GRIA4: variants seen among roughly 807,000 people sequenced by gnomAD.
The protein encoded by GRIA4 is glutamate ionotropic receptor AMPA type subunit 4.
A neutral mutation model predicts 104.0 loss-of-function variants in GRIA4; 34 were observed. That is an observed-to-expected ratio of 0.33 (90% CI 0.25 to 0.44). GRIA4 has a LOEUF of 0.44. Ranked by LOEUF, GRIA4 falls within the 20% of genes least tolerant of loss-of-function variation. The pLI is 1.00. For missense variants in GRIA4, 750 were observed against 1,096.5 expected (o/e 0.68, Z 4.46); for synonymous variants, 386 against 381.9 (o/e 1.01, Z -0.13).
chr11:105,743,471 T>C (rs908310498), intron 3 of GRIA4, among the ~76,000 whole-genome samples: 1 of 152,234 alleles, frequency 6.6e-6, no homozygotes, highest in Non-Finnish European at 1.5e-5. Flanking sequence ...ATATCTGCTA[T>C]TATTTTTGAA....
intron 3 of GRIA4, among the ~76,000 whole-genome samples, chr11:105,643,015 G>C (rs1951416002): frequency 6.6e-6 from 1 of 152,126 alleles, no homozygotes; most frequent in Non-Finnish European, 1.5e-5. Context: ...GAAGTGCTGA[G>C]CAATAGGGGG....
In GRIA4 at chr11:105,911,775, A is replaced by AATACATATATATATATATAT. The variant is rs376124658; in HGVS notation, c.1269+1233_1269+1234insCATATATATATATATATATA. The AATACATATATATATATATAT allele has an allele frequency of 1.1e-3, 79 of 74,656 alleles. 4 individuals carry two copies. The highest frequency in any genetic ancestry group is 2.6e-3 in the Admixed American group (11 of 4,306). The allele number at this position is 74,656 out of a possible 1,614,324, so 4.6% of individuals were successfully genotyped here. Reference sequence around the variant, plus strand: ...AATATTTGCATGGGACTTGAAAAGCAATATATATATATATATATATATATA... The same window carrying AATACATATATATATATATAT: ...AATATTTGCATGGGACTTGAAAAGCAATACATATATATATATATATATATATATATATATATATATATATA... On this transcript the variant is annotated intron_variant, in intron 10 of 16. Coordinates refer to ENST00000282499, the MANE Select transcript of GRIA4 (RefSeq NM_000829.4).
At chr11:105,688,341 G>A (rs1246144284) in intron 3 of GRIA4, among the ~76,000 whole-genome samples, 3 of 152,018 alleles carry the variant, frequency 2.0e-5, no homozygotes, top group Admixed American at 6.6e-5. Context: ...GGTGGATCAC[G>A]AGGTCAGGAC....
At chr11:105,640,166 G>C (rs1325200156) in intron 3 of GRIA4, among the ~76,000 whole-genome samples, 1 of 151,792 alleles carries the variant, frequency 6.6e-6, no homozygotes, top group Non-Finnish European at 1.5e-5. Flanking sequence ...CTAACATTCA[G>C]AAAAGGAAAA....
intron 4 of GRIA4, among the ~76,000 whole-genome samples, chr11:105,787,472 C>CATT (rs1942020577): frequency 1.0e-5 from 1 of 98,622 alleles, no homozygotes; most frequent in Non-Finnish European, 1.9e-5. Context: ...TAAAGAATTC[C>CATT]TTTTTTTTTT....
intron 3 of GRIA4, among the ~76,000 whole-genome samples, chr11:105,674,484 A>C (rs1935939552): frequency 6.6e-6 from 1 of 151,836 alleles, no homozygotes; most frequent in African/African-American, 2.4e-5. Flanking sequence ...CAGACGGCCT[A>C]TGAATATAGT....
chr11:105,794,473 GTATA>G (rs71041629), intron 4 of GRIA4, among the ~76,000 whole-genome samples: 1,266 of 43,868 alleles, frequency 0.029, 37 homozygotes, highest in East Asian at 0.052. Flanking sequence ...GTATATGTAT[GTATA>G]TATATATATA....
At chr11:105,957,065 T>G (rs1948608475) in intron 14 of GRIA4, among the ~76,000 whole-genome samples, 1 of 152,214 alleles carries the variant, frequency 6.6e-6, no homozygotes, top group Admixed American at 6.5e-5. Context: ...AGGTTGCCTG[T>G]TCACTCTGAT....
chr11:105,902,029 T>C (rs932492028), intron 7 of GRIA4, among the ~76,000 whole-genome samples: 1 of 152,202 alleles, frequency 6.6e-6, no homozygotes, highest in Non-Finnish European at 1.5e-5. Context: ...CATTCAGTTT[T>C]GGTGTAGTAC....
chr11:105,695,089 T>C (rs1253500816), intron 3 of GRIA4, among the ~76,000 whole-genome samples: 1 of 152,218 alleles, frequency 6.6e-6, no homozygotes, highest in Non-Finnish European at 1.5e-5. Flanking sequence ...CCTATTCTGC[T>C]ATGCAGACCC....
At chr11:105,671,479 C>G (rs1473430215) in intron 3 of GRIA4, among the ~76,000 whole-genome samples, 1 of 151,616 alleles carries the variant, frequency 6.6e-6, no homozygotes, top group Non-Finnish European at 1.5e-5. Flanking sequence ...GAGTTCGAGA[C>G]TAGCCTGGCC....
intron 3 of GRIA4, among the ~76,000 whole-genome samples, chr11:105,744,602 T>C (rs1939529832): frequency 6.6e-6 from 1 of 151,972 alleles, no homozygotes; most frequent in African/African-American, 2.4e-5. Context: ...GGGGAAAAAA[T>C]GTAGCTGTCA....
intron 4 of GRIA4, chr11:105,797,622 G>A: frequency 4.0e-6 from 1 of 248,080 alleles, no homozygotes; most frequent in Non-Finnish European, 8.3e-6. Flanking sequence ...CTGATTCTTT[G>A]TTCTCATAAT....
chr11:105,803,063 T>C (rs1942790473), intron 4 of GRIA4, among the ~76,000 whole-genome samples: 1 of 152,018 alleles, frequency 6.6e-6, no homozygotes, highest in Admixed American at 6.6e-5. Context: ...ATCTACCAGG[T>C]CACAGGAAAT....
chr11:105,657,355 C>T (rs776305022), intron 3 of GRIA4, among the ~76,000 whole-genome samples: 1 of 151,828 alleles, frequency 6.6e-6, no homozygotes, highest in East Asian at 1.9e-4. Context: ...ACCACCTGTT[C>T]CCCAAAAACC....
chr11:105,659,038 G>T (rs1042359494), intron 3 of GRIA4, among the ~76,000 whole-genome samples: 2 of 151,926 alleles, frequency 1.3e-5, no homozygotes. Flanking sequence ...ATTCTAGCAT[G>T]TTCACAGAAA....
At chr11:105,829,443 T>C (rs1351478934) in intron 4 of GRIA4, among the ~76,000 whole-genome samples, 2 of 152,014 alleles carry the variant, frequency 1.3e-5, no homozygotes, top group African/African-American at 2.4e-5. Flanking sequence ...TGGAATGATT[T>C]TAATTACCAC....
At chr11:105,850,671 A>G (rs1348138688) in intron 4 of GRIA4, among the ~76,000 whole-genome samples, 1 of 152,138 alleles carries the variant, frequency 6.6e-6, no homozygotes, top group Non-Finnish European at 1.5e-5. Context: ...AATCTTTGCA[A>G]TGGTTCTAAT....
intron 5 of GRIA4, among the ~76,000 whole-genome samples, chr11:105,883,612 T>C (rs1168615053): frequency 6.6e-6 from 1 of 152,210 alleles, no homozygotes; most frequent in Non-Finnish European, 1.5e-5. Context: ...AAACTCATCA[T>C]TTTTTATGGC....
Sources: allele counts gnomAD v4.1 joint callset (sites outside exome capture counted in the v4.1 genomes callset), GRCh38; gene constraint gnomAD v4.1.1; transcripts MANE v1.5; gene names NCBI Gene and HGNC (gene_info 2026-07-23, HGNC 2026-07-21).